The following RGPD1 variants were observed in gnomAD, a reference collection of about 807,000 sequenced individuals.
RGPD1 encodes RANBP2 like and GRIP domain containing 1, also known as RANBP2-like and GRIP domain-containing protein 1.
Under a neutral mutation model 40.6 loss-of-function variants are expected in RGPD1, and 7 were observed. The ratio of observed to expected loss-of-function variants is 0.17; its 90% CI spans 0.10 to 0.32. The LOEUF (loss-of-function observed/expected upper bound fraction) is 0.32. RGPD1 is among the 10% of genes least tolerant of loss of function. The pLI, the probability that RGPD1 is intolerant of heterozygous loss-of-function variation, is 1.00. For synonymous variants in RGPD1, 24 were observed against 167.0 expected (o/e 0.14, Z 6.60); for missense variants, 50 against 472.5 (o/e 0.11, Z 8.29).
rs1679826674 is a variant in RGPD1 at position 86,942,139 on chromosome 2, T to C, written c.-98T>C. 6.8e-7 allele frequency: 1 copy of C among 1,480,824 alleles called. No individual in the cohort carries two copies. The highest frequency in any genetic ancestry group is 2.7e-5 in the East Asian group (1 of 37,662). The allele number at this position is 1,480,824 out of a possible 1,614,324, so 91.7% of individuals were successfully genotyped here. ...TGCGTCACAGTGGTCCTCCGCCGGC[T>C]ACGTCAGTGGCTTTCAGGCGCTTTC... On this transcript the variant is annotated 5_prime_UTR_variant, in exon 1 of 23. Coordinates refer to ENST00000641458, the MANE Select transcript of RGPD1 (RefSeq NM_001382344.1).
At chr2:86,933,327 A>G (rs970522734) in intron 1 of RGPD1, among the ~76,000 whole-genome samples, 1 of 150,290 alleles carries the variant, frequency 6.7e-6, no homozygotes, top group South Asian at 2.1e-4. Flanking sequence ...AAAGGAAGAA[A>G]AAAACTTCAT....
chr2:86,925,645 ATAT>A (rs2104686249), intron 1 of RGPD1, among the ~76,000 whole-genome samples: 1 of 152,368 alleles, frequency 6.6e-6, no homozygotes, highest in Admixed American at 6.5e-5. Flanking sequence ...CCTATGATTT[ATAT>A]TTACAATTGC....
chr2:86,913,927 T>A (rs1266626153), intron 1 of RGPD1: 6 of 1,480,040 alleles, frequency 4.1e-6, no homozygotes, highest in Non-Finnish European at 5.4e-6. Flanking sequence ...GAAAGGTGAG[T>A]GGATCTCGAA....
In RGPD1 at chr2:86,930,708, G is replaced by C. The variant is rs559744821; in HGVS notation, c.72+16787G>C. ...AAGCTGCTGTTGCGGCGCCCGAAGTGCCCCCCAGGCCTCCTCGCTGCCGTT... is the reference window on the plus strand; with the variant it reads ...AAGCTGCTGTTGCGGCGCCCGAAGTCCCCCCCAGGCCTCCTCGCTGCCGTT... On this transcript the variant is annotated intron_variant, in intron 1 of 22. Coordinates refer to the RGPD1 transcript ENST00000398193. The C allele has an allele frequency of 4.4e-3, 6,953 of 1,568,802 alleles. 61 individuals carry two copies. The highest frequency in any genetic ancestry group is 0.02 in the South Asian group (1,719 of 87,450).
intron 1 of RGPD1, among the ~76,000 whole-genome samples, chr2:86,931,338 C>T (rs957869698): frequency 6.6e-6 from 1 of 151,298 alleles, no homozygotes; most frequent in Non-Finnish European, 1.5e-5. Context: ...AAATTTAGTC[C>T]TATCTTTTAC....
upstream of RGPD1, among the ~76,000 whole-genome samples, chr2:86,940,748 C>T (rs569020163): frequency 1.0e-3 from 159 of 152,118 alleles, no homozygotes; most frequent in African/African-American, 3.8e-3. Context: ...AACTGTGCCA[C>T]AACTACTGGC....
At chr2:86,927,007 T>A (rs1367950092) in intron 1 of RGPD1, among the ~76,000 whole-genome samples, 7 of 152,328 alleles carry the variant, frequency 4.6e-5, no homozygotes, top group East Asian at 1.9e-4. Context: ...GTTCCTGATC[T>A]TCTAACTTGG....
chr2:86,930,417 A>G (rs1263666044), intron 1 of RGPD1: 2 of 1,455,920 alleles, frequency 1.4e-6, no homozygotes, highest in Non-Finnish European at 1.9e-6. Flanking sequence ...AAGGTCAAGC[A>G]GTGAACCGGT....
At chr2:86,931,441 C>CT (rs1331666567) in intron 1 of RGPD1, among the ~76,000 whole-genome samples, 7 of 150,304 alleles carry the variant, frequency 4.7e-5, no homozygotes, top group South Asian at 2.1e-4. Context: ...TTCCCAGTAT[C>CT]TTTTTTTGGG....
chr2:86,978,167 C>G (rs1355974030), intron 17 of RGPD1, among the ~76,000 whole-genome samples: 1 of 113,044 alleles, frequency 8.8e-6, no homozygotes, highest in African/African-American at 3.9e-5. Context: ...CTCAAGAGAG[C>G]CTCTTGGCTT....
At chr2:86,938,798 C>T (rs1469973550), upstream of RGPD1, among the ~76,000 whole-genome samples, 2 of 138,914 alleles carry the variant, frequency 1.4e-5, no homozygotes, top group African/African-American at 2.7e-5. Context: ...TTAGTGAGAC[C>T]TGGCCTGCCA....
At chr2:86,941,339 C>G (rs970666438), upstream of RGPD1, among the ~76,000 whole-genome samples, 1 of 148,400 alleles carries the variant, frequency 6.7e-6, no homozygotes, top group Non-Finnish European at 1.5e-5. Context: ...TTGGTATGTT[C>G]TGTTATTCTG....
rs531699281 is a variant in RGPD1 at position 86,943,319 on chromosome 2, T to TA, written c.72+1024dup. ...GAACACTTTGGTAGCTGCCTTTGCTTAAAAAAAAAAAAATTCTAAAGTTCT... is the reference window on the plus strand; with the variant it reads ...GAACACTTTGGTAGCTGCCTTTGCTTAAAAAAAAAAAAAATTCTAAAGTTCT... On this transcript the variant is annotated intron_variant, in intron 1 of 22. Transcript: ENST00000641458. Among the ~76,000 whole-genome samples, 646 of 123,280 alleles carry TA rather than the reference T, an allele frequency of 5.2e-3. 3 individuals carry two copies. The highest frequency in any genetic ancestry group is 0.014 in the African/African-American group (463 of 32,942). The allele number at this position is 123,280 out of a possible 152,430, so 80.9% of individuals were successfully genotyped here.
chr2:86,915,076 G>C (rs1478913587), intron 1 of RGPD1, among the ~76,000 whole-genome samples: 1 of 150,102 alleles, frequency 6.7e-6, no homozygotes, highest in African/African-American at 2.4e-5. Flanking sequence ...CAGGTGGATC[G>C]CTTGAGGTCG....
At position 86,913,987 on chromosome 2, in the gene RGPD1, C is replaced by A. The variant is rs566913670; in HGVS notation, c.72+66C>A. 1.3e-5 allele frequency: 12 copies of A among 912,866 alleles called. 2 individuals carry two copies. The African/African-American group carries it at 3.8e-4, about 29-fold the overall frequency. The allele number at this position is 912,866 out of a possible 1,614,324, so 56.5% of individuals were successfully genotyped here. A position where few individuals can be genotyped will look rare whatever the true frequency, so the allele number is the denominator to read the frequency against. On this transcript the variant is annotated intron_variant, in intron 1 of 22. Coordinates refer to the RGPD1 transcript ENST00000398193. ...GGGCGGTGGCCTCGACCTGGCCGGG[C>A]GGCGGCGGCGGCCTCGGCCTCGGCC...
intron 4 of RGPD1, among the ~76,000 whole-genome samples, chr2:86,954,878 T>C (rs1271271063): frequency 1.7e-5 from 2 of 118,228 alleles, no homozygotes; most frequent in African/African-American, 6.0e-5. Flanking sequence ...TTTGTAGTCA[T>C]GCTATTTACT....
intron 1 of RGPD1, among the ~76,000 whole-genome samples, chr2:86,944,028 C>T (rs371081827): frequency 2.7e-5 from 4 of 149,890 alleles, no homozygotes; most frequent in Non-Finnish European, 4.4e-5. Flanking sequence ...CAAAAAAAAA[C>T]CAAAAAACGG....
intron 20 of RGPD1, among the ~76,000 whole-genome samples, chr2:86,988,469 A>C (rs1291651920): frequency 3.2e-5 from 3 of 93,472 alleles, no homozygotes; most frequent in Non-Finnish European, 4.5e-5. Context: ...ACAAAAAAAC[A>C]AAAAAAACCA....
At chr2:86,935,820 TATA>T (rs1284944637) in intron 1 of RGPD1, among the ~76,000 whole-genome samples, 1 of 138,870 alleles carries the variant, frequency 7.2e-6, no homozygotes, top group African/African-American at 2.6e-5. Flanking sequence ...TGACATAAAG[TATA>T]ATATATTTTA....
Sources: allele counts gnomAD v4.1 joint callset (sites outside exome capture counted in the v4.1 genomes callset), GRCh38; gene constraint gnomAD v4.1.1; transcripts MANE v1.5; gene names NCBI Gene and HGNC (gene_info 2026-07-23, HGNC 2026-07-21).